Variants in COL6A5 observed in about 807,000 individuals in gnomAD.
COL6A5 encodes the protein collagen type VI alpha 5 chain.
COL6A5 carries 48 observed loss-of-function variants against 65.6 expected under a neutral mutation model. The ratio of observed to expected loss-of-function variants is 0.73; its 90% confidence interval spans 0.58 to 0.93. The LOEUF (loss-of-function observed/expected upper bound fraction) is 0.93, where lower values mean the gene tolerates loss of function less well. Among genes scored for constraint, COL6A5 ranks in the 40% least tolerant of loss-of-function variants. COL6A5 has a pLI of 0.00. For missense variants in COL6A5, 914 were observed against 928.3 expected (o/e 0.98, Z 0.20); for synonymous variants, 291 against 322.8 (o/e 0.90, Z 1.05).
intron 1 of COL6A5, among the ~76,000 whole-genome samples, chr3:130,353,914 G>A (rs939994333): frequency 6.6e-6 from 1 of 151,858 alleles, no homozygotes; most frequent in Non-Finnish European, 1.5e-5. Flanking sequence ...TGAAAAAGAC[G>A]CATCTTTTAA....
chr3:130,363,671 A>G (rs80288350), intron 1 of COL6A5, among the ~76,000 whole-genome samples: 3,210 of 152,262 alleles, frequency 0.021, 50 homozygotes, highest in South Asian at 0.081. Flanking sequence ...GAATAATGAG[A>G]AATTTTTTCT....
intron 1 of COL6A5, among the ~76,000 whole-genome samples, chr3:130,433,453 C>G (rs1018581290): frequency 2.6e-5 from 4 of 152,190 alleles, no homozygotes; most frequent in Non-Finnish European, 4.4e-5. Flanking sequence ...AGGAAGCTAT[C>G]TGGTTCTCAT....
At chr3:130,415,074 C>A (rs1408267940) in intron 22 of COL6A5, among the ~76,000 whole-genome samples, 1 of 152,078 alleles carries the variant, frequency 6.6e-6, no homozygotes, top group Non-Finnish European at 1.5e-5. Context: ...CCTGATGGCT[C>A]CTGGGCAGCC....
At chr3:130,352,506 A>C (rs559237493) in intron 1 of COL6A5, among the ~76,000 whole-genome samples, 1 of 152,180 alleles carries the variant, frequency 6.6e-6, no homozygotes, top group Non-Finnish European at 1.5e-5. Flanking sequence ...AGCAGTTTAC[A>C]TAAATAATTA....
intron 7 of COL6A5, among the ~76,000 whole-genome samples, chr3:130,394,343 T>A (rs143304780): frequency 1.1e-4 from 17 of 152,336 alleles, no homozygotes; most frequent in Non-Finnish European, 1.8e-4. Context: ...GGCGAGTCAC[T>A]TAGCCTCTGA....
chr3:130,350,705 GA>G (rs1316461957), intron 1 of COL6A5, among the ~76,000 whole-genome samples: 1 of 152,080 alleles, frequency 6.6e-6, no homozygotes, highest in African/African-American at 2.4e-5. Flanking sequence ...TGGATAGGAA[GA>G]ATCAATATTG....
rs558777872 is a variant in COL6A5, at chr3:130,391,407, G to A, written c.2645G>A (p.Arg882Gln). 1.0e-4 allele frequency: 157 copies of A among 1,551,622 alleles called. No individual in the cohort carries two copies. The highest frequency in any genetic ancestry group is 1.3e-4 in the Non-Finnish European group (144 of 1,146,974). The change falls in exon 7 of 42, where the codon CGG becomes CAG. Residue 882 changes from arginine to glutamine, a missense_variant and NMD_transcript_variant. Transcript: ENST00000312481. ...AGATCAGCAATAATTGAGAATCTGC[G>A]GAAGCGCAGGGACACTGGAGGGAAC... is the stretch of plus-strand genomic sequence containing the variant.
rs112677081 is a variant in COL6A5, at chr3:130,409,968, T to C, written c.4543-41T>C. 2,370 of 1,364,980 alleles carry C rather than the reference T, an allele frequency of 1.7e-3. 44 individuals are homozygous for C. In the African/African-American group the frequency reaches 0.031, roughly 18 times the overall value. The allele number at this position is 1,364,980 out of a possible 1,614,324, so 84.6% of individuals were successfully genotyped here. On this transcript the variant is annotated intron_variant and NMD_transcript_variant, in intron 18 of 41. Transcript: ENST00000312481. ...CATACCGTTTTGGGGAAAAAGCTGA[T>C]ATTTCTGGATTCTAAACTACTTTTA...
intron 10 of COL6A5, 47 bp from the exon 11 acceptor site, chr3:130,400,984 A>G (rs1428664957): frequency 2.8e-6 from 4 of 1,424,714 alleles, no homozygotes; most frequent in Non-Finnish European, 3.7e-6. Context: ...CTTCTTTTTC[A>G]TGTACAACCC....
intron 1 of COL6A5, among the ~76,000 whole-genome samples, chr3:130,362,310 ATATATATATATATATATTTTTTTTTTT>A (rs1935153351): frequency 1.3e-5 from 1 of 76,792 alleles, no homozygotes; most frequent in African/African-American, 7.5e-5. Flanking sequence ...ATATATATAT[ATATATATATATATATATTTTTTTTTTT>A]TTTTTTTTTT....
intron 7 of COL6A5, among the ~76,000 whole-genome samples, chr3:130,394,008 C>CAGA (rs60480372): frequency 0.29 from 43,809 of 151,964 alleles, 7,258 homozygotes; most frequent in East Asian, 0.61. Context: ...ACTACCCTTA[C>CAGA]AAGGAATTCT....
intron 4 of COL6A5, among the ~76,000 whole-genome samples, chr3:130,382,237 C>A (rs1217824423): frequency 2.6e-5 from 4 of 151,908 alleles, no homozygotes; most frequent in Admixed American, 6.6e-5. Flanking sequence ...CAAACAACAA[C>A]AAAAAACACA....
At chr3:130,474,672 C>G (rs1378319351) in intron 7 of COL6A5, among the ~76,000 whole-genome samples, 1 of 151,896 alleles carries the variant, frequency 6.6e-6, no homozygotes, top group Non-Finnish European at 1.5e-5. Flanking sequence ...TTAAAACATT[C>G]ACTGGATGAG....
In COL6A5 at chr3:130,443,750, T is replaced by A. The variant is rs189674451; in HGVS notation, c.1332+184T>A. ...TGATTTCCAATTTGTTTTTATAACATCATAAGCTTAATTACAATTTTGCCT... is the reference window on the plus strand; with the variant it reads ...TGATTTCCAATTTGTTTTTATAACAACATAAGCTTAATTACAATTTTGCCT... On this transcript the variant is annotated intron_variant, in intron 4 of 7. Coordinates refer to ENST00000512836, the Ensembl canonical transcript of COL6A5. 1.7e-3 allele frequency among the ~76,000 whole-genome samples: 266 copies of A among 152,286 alleles called. 1 individual carries two copies. Among genetic ancestry groups the A allele is most frequent in the African/African-American group, 6.1e-3 (253 of 41,582 alleles).
intron 1 of COL6A5, among the ~76,000 whole-genome samples, 167 bp downstream of exon 33, chr3:130,432,116 A>G (rs973934022): frequency 2.0e-5 from 3 of 152,170 alleles, no homozygotes; most frequent in South Asian, 2.1e-4. Context: ...CCAATCCTGA[A>G]TAATAACAAC....
intron 5 of COL6A5, among the ~76,000 whole-genome samples, chr3:130,386,693 T>G (rs1936199806): frequency 1.3e-5 from 2 of 152,028 alleles, no homozygotes; most frequent in Admixed American, 1.3e-4. Flanking sequence ...TCTCAGATCC[T>G]TTCAAGGGAG....
chr3:130,397,132 G>C (rs952941754), intron 8 of COL6A5, among the ~76,000 whole-genome samples: 3 of 152,124 alleles, frequency 2.0e-5, no homozygotes, highest in Non-Finnish European at 4.4e-5. Context: ...CTCCTAAAGT[G>C]CTGGGATTAC....
At chr3:130,448,555 T>C (rs1286324333) in intron 4 of COL6A5, among the ~76,000 whole-genome samples, 5 of 152,006 alleles carry the variant, frequency 3.3e-5, no homozygotes, top group African/African-American at 1.2e-4. Flanking sequence ...TGAACAGGAG[T>C]GGTCTGTTGA....
exon 11 of COL6A5, chr3:130,401,064 C>A (rs1307816752): frequency 1.3e-6 from 2 of 1,551,100 alleles, no homozygotes; most frequent in Non-Finnish European, 1.7e-6. Context: ...TCCCTTAACA[C>A]AACTGCTCAT....
Sources: gnomAD v4.1 joint callset for allele counts (sites outside exome capture counted in the v4.1 genomes callset) on GRCh38, gnomAD v4.1.1 for gene constraint, MANE v1.5 for transcripts, NCBI Gene and HGNC (gene_info 2026-07-23, HGNC 2026-07-21) for gene names.